The following GALK2 variants were observed in gnomAD, a reference collection of about 807,000 sequenced individuals.
The protein encoded by GALK2 is N-acetylgalactosamine kinase.
A neutral mutation model predicts 52.4 loss-of-function variants in GALK2; 36 were observed. The observed-to-expected ratio is 0.69, with a 90% confidence interval of 0.53 to 0.91. The LOEUF (loss-of-function observed/expected upper bound fraction) is 0.91. GALK2 is among the 40% of genes least tolerant of loss of function. The pLI, the probability that GALK2 is intolerant of heterozygous loss-of-function variation, is 0.00. For missense variants in GALK2, 579 were observed against 559.1 expected, an observed-to-expected ratio of 1.04 and a Z score of -0.36; for synonymous variants, 176 against 199.1, an observed-to-expected ratio of 0.88 and a Z score of 0.98.
intron 3 of GALK2, among the ~76,000 whole-genome samples, chr15:49,361,250 T>G (rs1290706734): frequency 6.6e-6 from 1 of 152,208 alleles, no homozygotes; most frequent in Non-Finnish European, 1.5e-5. Context: ...AAATTTTTTT[T>G]TAACTTTTAT....
chr15:49,246,846 A>G (rs12898461), intron 5 of GALK2, among the ~76,000 whole-genome samples: 10,134 of 152,244 alleles, frequency 0.067, 465 homozygotes, highest in East Asian at 0.18. Flanking sequence ...GCAGTGATTC[A>G]GTGGCATTTG....
chr15:49,299,728 TTCTTTCTTTTC>T (rs1334395940), intron 8 of GALK2, among the ~76,000 whole-genome samples: 1 of 31,480 alleles, frequency 3.2e-5, no homozygotes, highest in African/African-American at 1.4e-4. Flanking sequence ...CTTTCTTTCT[TTCTTTCTTTTC>T]TTTCTTTCTT....
At chr15:49,195,189 C>T (rs766666589) in intron 1 of GALK2, 39 of 425,350 alleles carry the variant, frequency 9.2e-5, no homozygotes, top group South Asian at 2.8e-4. Context: ...CTCCTGCCTC[C>T]GCCTCCGGAG....
chr15:49,195,295 A>C, intron 1 of GALK2: 1 of 273,014 alleles, frequency 3.7e-6, no homozygotes, highest in Non-Finnish European at 7.3e-6. Flanking sequence ...CTGGTCTGGA[A>C]CTCCTGACCT....
chr15:49,235,475 T>G, intron 3 of GALK2: 1 of 336,538 alleles, frequency 3.0e-6, no homozygotes, highest in Non-Finnish European at 5.8e-6. Flanking sequence ...GAGATGGCTT[T>G]GAGTACTCTT....
intron 3 of GALK2, among the ~76,000 whole-genome samples, chr15:49,362,654 T>C (rs144220864): frequency 1.3e-5 from 2 of 152,334 alleles, no homozygotes; most frequent in African/African-American, 2.4e-5. Flanking sequence ...TTTTTGTTTT[T>C]CTTGCAATTG....
intron 3 of GALK2, 80 bp from the exon 4 acceptor site, chr15:49,235,771 C>T: frequency 1.1e-6 from 1 of 912,980 alleles, no homozygotes; most frequent in East Asian, 2.4e-5. Flanking sequence ...TGTGTTGGCA[C>T]AAGATGGCAG....
intron 1 of GALK2, among the ~76,000 whole-genome samples, chr15:49,191,507 T>G (rs886993653): frequency 6.6e-5 from 10 of 152,190 alleles, no homozygotes; most frequent in Admixed American, 2.6e-4. Flanking sequence ...AATTTCTCCC[T>G]TAATGAGTTT....
chr15:49,358,025 C>T (rs368266095), intron 3 of GALK2, among the ~76,000 whole-genome samples: 2 of 151,932 alleles, frequency 1.3e-5, no homozygotes, highest in Non-Finnish European at 2.9e-5. Context: ...AAGCCTTTGA[C>T]AAAATTCAAC....
intron 8 of GALK2, among the ~76,000 whole-genome samples, chr15:49,299,768 TTTCTTTCTTTCTTTC>T (rs2034911098): frequency 1.5e-5 from 2 of 130,094 alleles, no homozygotes; most frequent in African/African-American, 5.9e-5. Flanking sequence ...TCTTTCTTTC[TTTCTTTCTTTCTTTC>T]TTTCTTTCTT....
At chr15:49,217,418 A>G in intron 3 of GALK2, 105 bp downstream of exon 3, 2 of 1,122,704 alleles carry the variant, frequency 1.8e-6, no homozygotes, top group South Asian at 2.1e-5. Context: ...TAACTTATTG[A>G]TATTTTGTGT....
intron 5 of GALK2, among the ~76,000 whole-genome samples, chr15:49,275,394 A>G (rs1337433216): frequency 2.6e-5 from 4 of 152,224 alleles, no homozygotes; most frequent in Non-Finnish European, 5.9e-5. Flanking sequence ...TCACCTAAAG[A>G]CACTATCAAT....
At chr15:49,366,790 G>T (rs2045288932) in intron 3 of GALK2, 6 of 586,832 alleles carry the variant, frequency 1.0e-5, no homozygotes, top group African/African-American at 2.0e-5. Flanking sequence ...GCCGGGCTAG[G>T]CTGGGATCGC....
chr15:49,164,307 G>C (rs1270695848), intron 1 of GALK2, among the ~76,000 whole-genome samples: 1 of 151,166 alleles, frequency 6.6e-6, no homozygotes, highest in Non-Finnish European at 1.5e-5. Flanking sequence ...AGTAGATGCA[G>C]TTATGTCAGT....
At chr15:49,229,617 AG>A (rs1256740150) in intron 3 of GALK2, among the ~76,000 whole-genome samples, 1 of 152,144 alleles carries the variant, frequency 6.6e-6, no homozygotes, top group Non-Finnish European at 1.5e-5. Context: ...GCTTAGGCAT[AG>A]GGGTGGAGTC....
chr15:49,186,236 T>C (rs959994240), intron 1 of GALK2, among the ~76,000 whole-genome samples: 8 of 152,192 alleles, frequency 5.3e-5, no homozygotes, highest in African/African-American at 1.9e-4. Context: ...TTCAGGCCAA[T>C]AAATCTTAGA....
At chr15:49,178,199 A>ATC (rs2085637095) in intron 1 of GALK2, among the ~76,000 whole-genome samples, 1 of 106,504 alleles carries the variant, frequency 9.4e-6, no homozygotes, top group Non-Finnish European at 1.9e-5. Flanking sequence ...GAAATACTAT[A>ATC]TATATATATA....
downstream of GALK2, chr15:49,331,908 C>T (rs1365207919): frequency 2.1e-6 from 2 of 936,230 alleles, no homozygotes; most frequent in Non-Finnish European, 3.5e-6. Context: ...TTGACACCAT[C>T]TAAATAGCCA....
downstream of GALK2, chr15:49,331,915 G>A: frequency 1.1e-6 from 1 of 895,140 alleles, no homozygotes; most frequent in Non-Finnish European, 1.9e-6. Flanking sequence ...CATCTAAATA[G>A]CCAACATTTA....
Sources: allele counts gnomAD v4.1 joint callset (sites outside exome capture counted in the v4.1 genomes callset), GRCh38; gene constraint gnomAD v4.1.1; transcripts MANE v1.5; gene names NCBI Gene and HGNC (gene_info 2026-07-23, HGNC 2026-07-21).